Variants in GBF1 observed in about 807,000 individuals in gnomAD.
GBF1 encodes Golgi-specific brefeldin A-resistance guanine nucleotide exchange factor 1.
In GBF1, 114 loss-of-function variants were observed where a neutral mutation model predicts 210.5. That is an observed-to-expected ratio of 0.54 (90% CI 0.47 to 0.63). The LOEUF is 0.63. Ranked by LOEUF, GBF1 falls within the 30% of genes least tolerant of loss-of-function variation. The probability of loss-of-function intolerance (pLI) is 0.00; values close to 1 mark genes in which losing one functional copy is unlikely to be tolerated. For missense variants in GBF1, 1,851 were observed against 2,357.7 expected (o/e 0.79, Z 4.45); for synonymous variants, 850 against 889.2 (o/e 0.96, Z 0.78).
chr10:102,268,419 G>C (rs2074081947), intron 3 of GBF1, among the ~76,000 whole-genome samples: 1 of 152,208 alleles, frequency 6.6e-6, no homozygotes, highest in Non-Finnish European at 1.5e-5. Context: ...TTGTAGCAAA[G>C]GTTAGGGGGC....
intron 3 of GBF1, among the ~76,000 whole-genome samples, chr10:102,292,677 TCTAAAGTCC>T (rs978150931): frequency 1.3e-5 from 2 of 152,212 alleles, no homozygotes; most frequent in South Asian, 2.1e-4. Context: ...TCAAATGATC[TCTAAAGTCC>T]CTAAAGTCCT....
chr10:102,353,284 C>A (rs1451447854), intron 7 of GBF1, among the ~76,000 whole-genome samples: 1 of 152,130 alleles, frequency 6.6e-6, no homozygotes, highest in Admixed American at 6.5e-5. Context: ...GCCCTCCCCC[C>A]ATCTCTTGGC....
intron 3 of GBF1, among the ~76,000 whole-genome samples, chr10:102,301,198 G>A (rs2077315122): frequency 6.6e-6 from 1 of 152,030 alleles, no homozygotes; most frequent in African/African-American, 2.4e-5. Flanking sequence ...TGAGCATGCT[G>A]CCTTCAAGCA....
chr10:102,324,002 A>G (rs902262312), intron 3 of GBF1, among the ~76,000 whole-genome samples: 17 of 152,060 alleles, frequency 1.1e-4, no homozygotes, highest in Non-Finnish European at 1.9e-4. Flanking sequence ...CCCTTCCCTC[A>G]TTATGGTTTG....
In GBF1 at chr10:102,380,591, G is replaced by A. The variant is rs552483532; in HGVS notation, c.5078G>A (p.Gly1693Asp). The change falls in exon 38 of 40, where the codon GGC becomes GAC. Residue 1693 changes from glycine (G) to aspartate (D), a missense_variant. Physicochemically the swap from Gly to Asp is moderately conservative, Grantham distance 94. This residue lies in a region of GBF1 where 967 missense variants were observed against 1,247.7 expected (regional missense o/e 0.78). Coordinates refer to ENST00000369983, the MANE Select transcript of GBF1 (RefSeq NM_001377137.1). The stretch of plus-strand genomic sequence containing the variant: ...TTCCACAGTGCAGATGCACGGGGAG[G>A]CGGCCCCTCGGCCCTCTGGGAGATC... Reference protein sequence around the residue: ...EIFHSADARGGGPSALWEITW... With the variant: ...EIFHSADARGDGPSALWEITW... 1 of 1,613,966 alleles carries A rather than the reference G, an allele frequency of 6.2e-7. No individual in the cohort carries two copies.
At chr10:102,360,160 C>A (rs547581271) in intron 11 of GBF1, 24 bp from the exon 12 acceptor site, 8 of 1,501,362 alleles carry the variant, frequency 5.3e-6, no homozygotes, top group Non-Finnish European at 7.4e-6. Flanking sequence ...ATAGCAGTCT[C>A]ACTCTCCTCC....
At chr10:102,368,924 C>T in intron 23 of GBF1, 92 bp downstream of exon 23, 3 of 874,776 alleles carry the variant, frequency 3.4e-6, no homozygotes, top group Non-Finnish European at 5.6e-6. Context: ...CCTGGTTGCC[C>T]TCAGCGTCTT....
chr10:102,370,525 C>A, intron 28 of GBF1, 47 bp downstream of exon 28: 1 of 1,482,152 alleles, frequency 6.7e-7, no homozygotes, highest in Non-Finnish European at 9.4e-7. Context: ...GGGCTTGTGC[C>A]AAAGGGATGG....
chr10:102,356,537 G>A (rs1334598582), intron 8 of GBF1, among the ~76,000 whole-genome samples: 1 of 151,968 alleles, frequency 6.6e-6, no homozygotes, highest in Admixed American at 6.6e-5. Context: ...AGGCCAAGGC[G>A]GGCGGATCAC....
intron 3 of GBF1, among the ~76,000 whole-genome samples, chr10:102,322,814 G>C (rs1426768531): frequency 6.6e-6 from 1 of 151,472 alleles, no homozygotes; most frequent in African/African-American, 2.4e-5. Context: ...ATAAGAGCCA[G>C]TTGTTTCAGC....
intron 4 of GBF1, among the ~76,000 whole-genome samples, 158 bp from the exon 5 acceptor site, chr10:102,351,098 A>G (rs1268883723): frequency 6.6e-6 from 1 of 152,026 alleles, no homozygotes; most frequent in Non-Finnish European, 1.5e-5. Flanking sequence ...AAAAAAAAAA[A>G]AAAAAATCAG....
intron 37 of GBF1, 30 bp downstream of exon 37, chr10:102,380,392 C>T (rs747713125): frequency 6.3e-7 from 1 of 1,581,990 alleles, no homozygotes; most frequent in African/African-American, 1.3e-5. Flanking sequence ...TGCTGCCTGC[C>T]TCCTGTCCCA....
intron 3 of GBF1, among the ~76,000 whole-genome samples, chr10:102,342,405 A>T (rs945598349): frequency 6.6e-6 from 1 of 151,482 alleles, no homozygotes; most frequent in Non-Finnish European, 1.5e-5. Context: ...ACACACACAC[A>T]CACTCACACA....
intron 29 of GBF1, among the ~76,000 whole-genome samples, chr10:102,373,830 A>C (rs2060344574): frequency 1.3e-5 from 2 of 152,210 alleles, no homozygotes; most frequent in South Asian, 4.1e-4. Flanking sequence ...CTGTACATGA[A>C]TGTTTATAGA....
intron 3 of GBF1, among the ~76,000 whole-genome samples, chr10:102,289,228 C>T (rs1009239123): frequency 6.6e-6 from 1 of 152,188 alleles, no homozygotes; most frequent in Non-Finnish European, 1.5e-5. Context: ...GGGACACTGT[C>T]TTGCCTCTGT....
At chr10:102,234,269 C>G in the GBF1 span, among the ~76,000 whole-genome samples, 26 of 152,156 alleles carry the variant, frequency 1.7e-4, no homozygotes, top group Admixed American at 3.9e-4. Flanking sequence ...CCCCCACTCC[C>G]CACCCCACCT....
At chr10:102,294,742 C>T (rs1409881790) in intron 3 of GBF1, among the ~76,000 whole-genome samples, 3 of 151,994 alleles carry the variant, frequency 2.0e-5, no homozygotes, top group Admixed American at 6.6e-5. Flanking sequence ...AAATCCTTAC[C>T]ATTGTGTTAA....
At chr10:102,297,532 A>G (rs1338184065) in intron 3 of GBF1, among the ~76,000 whole-genome samples, 1 of 152,274 alleles carries the variant, frequency 6.6e-6, no homozygotes, top group Non-Finnish European at 1.5e-5. Context: ...AGAAAGCACC[A>G]GAAGAAATTA....
At chr10:102,253,000 T>C (rs1270519910) in intron 1 of GBF1, among the ~76,000 whole-genome samples, 2 of 152,020 alleles carry the variant, frequency 1.3e-5, no homozygotes, top group Non-Finnish European at 2.9e-5. Flanking sequence ...GTTCAAGCAA[T>C]CCTCCTGCCT....
Sources: allele counts gnomAD v4.1 joint callset (sites outside exome capture counted in the v4.1 genomes callset), GRCh38; gene constraint gnomAD v4.1.1; regional missense constraint gnomAD v4.1.1; transcripts MANE v1.5; gene names NCBI Gene and HGNC (gene_info 2026-07-23, HGNC 2026-07-21).